Variants in FSTL4 observed in about 807,000 individuals in gnomAD.
FSTL4 encodes follistatin-related protein 4.
Under a neutral mutation model 78.2 loss-of-function variants are expected in FSTL4, and 28 were observed. The observed-to-expected ratio is 0.36, with a 90% CI of 0.27 to 0.49. The LOEUF (loss-of-function observed/expected upper bound fraction) is 0.49, where lower values mean the gene tolerates loss of function less well. FSTL4 is among the 20% of genes least tolerant of loss of function. The probability of loss-of-function intolerance (pLI) is 0.98; values close to 1 mark genes in which losing one functional copy is unlikely to be tolerated. For missense variants in FSTL4, 922 were observed against 1,084.9 expected, an observed-to-expected ratio of 0.85 and a Z score of 2.11; for synonymous variants, 422 against 440.5, an observed-to-expected ratio of 0.96 and a Z score of 0.53.
chr5:133,757,610 T>A, the FSTL4 span, among the ~76,000 whole-genome samples: 6 of 152,220 alleles, frequency 3.9e-5, no homozygotes, highest in African/African-American at 1.2e-4. Flanking sequence ...CCCACCCTCA[T>A]GGAGCACTCG....
chr5:133,510,786 C>T (rs1758714667), intron 3 of FSTL4, among the ~76,000 whole-genome samples: 2 of 152,098 alleles, frequency 1.3e-5, no homozygotes, highest in African/African-American at 4.8e-5. Context: ...CTGCCTCTAC[C>T]GGTGAGTCAG....
rs539975762 is a variant in FSTL4, at chr5:133,280,381, G to T, written c.728-30805C>A. On this transcript the variant is annotated intron_variant, in intron 6 of 15. Transcript: ENST00000265342. The stretch of plus-strand genomic sequence containing the variant: ...GGCCCACTCAGACCCTCTGCAGTTA[G>T]CACAGAGCTCGCCACCTCAGAGCCC... Among the ~76,000 whole-genome samples, 12 of 152,242 alleles carry T rather than the reference G, an allele frequency of 7.9e-5. No homozygotes were observed. The South Asian group carries it at 2.5e-3, about 32-fold the overall frequency.
the FSTL4 span, among the ~76,000 whole-genome samples, chr5:133,787,874 C>T: frequency 1.3e-5 from 2 of 152,242 alleles, no homozygotes; most frequent in African/African-American, 4.8e-5. Flanking sequence ...AATCTCACGC[C>T]TGCTGGCCTG....
At chr5:133,662,833 G>C in the FSTL4 span, among the ~76,000 whole-genome samples, 4 of 152,110 alleles carry the variant, frequency 2.6e-5, no homozygotes, top group Admixed American at 6.5e-5. Context: ...TCCATCCTAA[G>C]CCAAAGGTTT....
the FSTL4 span, among the ~76,000 whole-genome samples, chr5:133,650,678 G>A: frequency 2.6e-5 from 4 of 152,224 alleles, no homozygotes; most frequent in Admixed American, 2.0e-4. Context: ...ACACTGTCTT[G>A]ATTACTATGG....
chr5:133,270,071 A>T (rs1271008426), intron 6 of FSTL4: 1 of 152,206 alleles, frequency 6.6e-6, no homozygotes, highest in Non-Finnish European at 1.5e-5. Context: ...CCACTTCATT[A>T]TCTCCATAAT....
chr5:133,674,266 C>A, the FSTL4 span, among the ~76,000 whole-genome samples: 3 of 152,158 alleles, frequency 2.0e-5, no homozygotes, highest in African/African-American at 7.2e-5. Flanking sequence ...GAGTAAAATG[C>A]ATCAGCTGTA....
intron 3 of FSTL4, among the ~76,000 whole-genome samples, chr5:133,462,414 A>G (rs147469764): frequency 1.5e-3 from 230 of 152,358 alleles, no homozygotes; most frequent in Non-Finnish European, 2.5e-3. Flanking sequence ...AAGATGTAGA[A>G]AACACCTTAA....
the FSTL4 span, among the ~76,000 whole-genome samples, chr5:133,744,818 C>A: frequency 4.6e-5 from 7 of 152,182 alleles, no homozygotes; most frequent in Non-Finnish European, 8.8e-5. Flanking sequence ...TTAAAGATTC[C>A]ACTTGGGTTT....
the FSTL4 span, among the ~76,000 whole-genome samples, chr5:133,818,735 C>T: frequency 1.7e-5 from 2 of 117,156 alleles, no homozygotes; most frequent in African/African-American, 3.6e-5. Flanking sequence ...CCCTAATGAA[C>T]AGATCTATGC....
chr5:133,211,053 C>A (rs1027164877), intron 13 of FSTL4: 2 of 152,234 alleles, frequency 1.3e-5, no homozygotes, highest in Non-Finnish European at 2.9e-5. Context: ...TATCACCCCT[C>A]TCTATCTATC....
chr5:133,386,790 C>A (rs1342172999), intron 4 of FSTL4, among the ~76,000 whole-genome samples: 1 of 152,086 alleles, frequency 6.6e-6, no homozygotes. Context: ...TCCTGTGCAA[C>A]GAAGCCCTCA....
chr5:133,360,500 CAA>C, intron 4 of FSTL4, among the ~76,000 whole-genome samples: 1 of 117,930 alleles, frequency 8.5e-6, no homozygotes, highest in Non-Finnish European at 1.8e-5. Context: ...TTTTTTGCAA[CAA>C]GTCAGCTTTC....
At chr5:133,684,535 C>A in the FSTL4 span, among the ~76,000 whole-genome samples, 5 of 152,202 alleles carry the variant, frequency 3.3e-5, no homozygotes. Flanking sequence ...AGTTTTCTCC[C>A]TCAAGTACCC....
chr5:133,210,218 G>A lies in FSTL4; in HGVS notation c.1689C>T (p.Asp563=), dbSNP rs376421685. The change falls in exon 14 of 16, where the codon GAC becomes GAT. Residue 563 remains aspartate (D), a synonymous_variant. Coordinates refer to ENST00000265342, the MANE Select transcript of FSTL4 (RefSeq NM_015082.2). ...HDQVWVLSWG[D]VHKSRPSLQV... ...GGAGACTTGGTCGGGACTTGTGCAC[G>A]TCCCCCCAGCTCAGGACCCACACTT... The A allele has an allele frequency of 4.2e-5, 68 of 1,609,180 alleles. No homozygotes were observed. The highest frequency in any genetic ancestry group is 5.0e-5 in the Non-Finnish European group (59 of 1,175,746).
chr5:133,814,385 C>A, the FSTL4 span, among the ~76,000 whole-genome samples: 2 of 152,148 alleles, frequency 1.3e-5, no homozygotes, highest in African/African-American at 4.8e-5. Context: ...GGGCAGGAGT[C>A]CCTGGGTGTG....
intron 7 of FSTL4, among the ~76,000 whole-genome samples, chr5:133,240,919 G>A (rs1751850159): frequency 6.6e-6 from 1 of 152,198 alleles, no homozygotes; most frequent in African/African-American, 2.4e-5. Context: ...GGAATGTCAT[G>A]CCTCATAGGG....
In FSTL4 at chr5:133,483,743, G is replaced by A. The variant is rs187164614; in HGVS notation, c.161-82757C>T. On this transcript the variant is annotated intron_variant, in intron 3 of 15. Coordinates refer to ENST00000265342, the MANE Select transcript of FSTL4 (RefSeq NM_015082.2). ...ATCAGTAGGTCTCCAGGGCAGGTAG[G>A]GGCCTCTGGGTAGGGGCAGAACATG... 5.3e-4 allele frequency among the ~76,000 whole-genome samples: 81 copies of A among 152,234 alleles called. 1 individual carries two copies. Among genetic ancestry groups the A allele is most frequent in the African/African-American group, 1.9e-3 (78 of 41,570 alleles).
intron 3 of FSTL4, among the ~76,000 whole-genome samples, chr5:133,452,188 T>C (rs76631286): frequency 0.017 from 2,629 of 152,294 alleles, 89 homozygotes; most frequent in African/African-American, 0.06. Context: ...CTCACTCCCA[T>C]TGGAAATATA....
Sources: allele counts gnomAD v4.1 joint callset (sites outside exome capture counted in the v4.1 genomes callset), GRCh38; gene constraint gnomAD v4.1.1; transcripts MANE v1.5; gene names NCBI Gene and HGNC (gene_info 2026-07-23, HGNC 2026-07-21).